ELMO1: variants seen among roughly 807,000 people sequenced by gnomAD.
ELMO1 encodes the protein engulfment and cell motility protein 1.
In ELMO1, 26 loss-of-function variants were observed where a neutral mutation model predicts 98.9. The observed-to-expected ratio is 0.26, with a 90% CI of 0.19 to 0.36. ELMO1 has a LOEUF of 0.36. Among genes scored for constraint, ELMO1 ranks in the 10% least tolerant of loss-of-function variants. The probability of loss-of-function intolerance (pLI) is 1.00; values close to 1 mark genes in which losing one functional copy is unlikely to be tolerated. For missense variants in ELMO1, 627 were observed against 935.2 expected, an observed-to-expected ratio of 0.67 and a Z score of 4.30; for synonymous variants, 346 against 346.0, an observed-to-expected ratio of 1.00 and a Z score of 0.00.
chr7:37,367,240 G>A (rs2131344711), intron 1 of ELMO1, among the ~76,000 whole-genome samples: 1 of 152,318 alleles, frequency 6.6e-6, no homozygotes, highest in East Asian at 1.9e-4. Context: ...CCTAATGCCA[G>A]TAAAATTGGC....
At chr7:37,252,110 T>C (rs557754771) in intron 6 of ELMO1, among the ~76,000 whole-genome samples, 1 of 152,210 alleles carries the variant, frequency 6.6e-6, no homozygotes, top group Non-Finnish European at 1.5e-5. Context: ...AAACATTCCA[T>C]GCTCATGGAT....
chr7:37,137,096 A>G (rs1426378079), intron 13 of ELMO1, among the ~76,000 whole-genome samples: 1 of 152,206 alleles, frequency 6.6e-6, no homozygotes, highest in African/African-American at 2.4e-5. Flanking sequence ...ATGCAAATGG[A>G]CAACAAAAGC....
intron 2 of ELMO1, among the ~76,000 whole-genome samples, chr7:37,316,594 C>A (rs1439920273): frequency 6.6e-6 from 1 of 152,152 alleles, no homozygotes; most frequent in South Asian, 2.1e-4. Flanking sequence ...CTAACAGCCA[C>A]ACTTGTGCTC....
At chr7:37,094,912 T>A (rs1488095855) in intron 15 of ELMO1, among the ~76,000 whole-genome samples, 1 of 152,108 alleles carries the variant, frequency 6.6e-6, no homozygotes, top group Non-Finnish European at 1.5e-5. Context: ...TTCCCAGCAA[T>A]CTCTACCTCC....
At chr7:36,874,681 C>G (rs1803797275) in intron 19 of ELMO1, among the ~76,000 whole-genome samples, 1 of 152,176 alleles carries the variant, frequency 6.6e-6, no homozygotes. Context: ...TCCTCCCTGC[C>G]CCCTCTGATG....
At chr7:37,149,119 G>A (rs766335504) in intron 13 of ELMO1, among the ~76,000 whole-genome samples, 5 of 152,210 alleles carry the variant, frequency 3.3e-5, no homozygotes, top group Non-Finnish European at 7.3e-5. Context: ...TGATCAAGCT[G>A]CAGCTGTTAC....
chr7:37,166,258 A>T (rs1010759469), intron 13 of ELMO1, among the ~76,000 whole-genome samples: 17 of 152,082 alleles, frequency 1.1e-4, no homozygotes, highest in East Asian at 1.9e-4. Flanking sequence ...GCTAGCGGTC[A>T]ATCAACTTTG....
chr7:37,200,705 C>A (rs1041334354), intron 13 of ELMO1, among the ~76,000 whole-genome samples: 1 of 152,142 alleles, frequency 6.6e-6, no homozygotes, highest in African/African-American at 2.4e-5. Flanking sequence ...ATGGCTCACA[C>A]CTGTAATCCA....
intron 15 of ELMO1, among the ~76,000 whole-genome samples, chr7:37,037,238 T>C (rs1307980357): frequency 1.3e-5 from 2 of 152,232 alleles, no homozygotes; most frequent in Non-Finnish European, 2.9e-5. Context: ...ATGAAGAAGT[T>C]CCTCAAGTGA....
intron 1 of ELMO1, among the ~76,000 whole-genome samples, chr7:37,414,939 A>C (rs747223405): frequency 2.0e-5 from 3 of 152,250 alleles, no homozygotes; most frequent in Non-Finnish European, 2.9e-5. Context: ...CGTAGCTTGC[A>C]GTAAAAATCT....
intron 19 of ELMO1, among the ~76,000 whole-genome samples, chr7:36,873,893 A>C (rs73689664): frequency 4.6e-5 from 7 of 152,366 alleles, no homozygotes; most frequent in African/African-American, 1.7e-4. Context: ...GGCAGAAACC[A>C]TTCAAAGGAA....
chr7:37,179,952 AC>A (rs1159557849), intron 13 of ELMO1, among the ~76,000 whole-genome samples: 4 of 152,182 alleles, frequency 2.6e-5, no homozygotes, highest in South Asian at 2.1e-4. Context: ...TAGAAGACTG[AC>A]TTAATTATCT....
chr7:37,020,714 G>T (rs1288665998), intron 15 of ELMO1, among the ~76,000 whole-genome samples: 1 of 152,114 alleles, frequency 6.6e-6, no homozygotes, highest in Non-Finnish European at 1.5e-5. Context: ...GGGAGCACTG[G>T]GCAAATATGA....
chr7:36,899,701 A>G (rs1459687280), intron 16 of ELMO1, among the ~76,000 whole-genome samples: 1 of 2,080 alleles, frequency 4.8e-4, no homozygotes, highest in Non-Finnish European at 1.8e-3. Context: ...TTTTTTTTTT[A>G]CCACTCCTAA....
At chr7:37,022,723 C>G (rs1353767016) in intron 15 of ELMO1, among the ~76,000 whole-genome samples, 2 of 152,038 alleles carry the variant, frequency 1.3e-5, no homozygotes, top group Non-Finnish European at 2.9e-5. Context: ...CAATTCTAGC[C>G]AAAGATATAA....
Position 36,884,438 on chromosome 7 carries a change from C to T in ELMO1, c.1714+3122G>A, listed in dbSNP as rs184389260. ...CTATAGATGTATAATTTTACTTACC[C>T]CTTATGGCTATTTGATAGAGGAACT... On this transcript the variant is annotated intron_variant, in intron 18 of 21. Transcript: ENST00000310758. 5.3e-4 allele frequency among the ~76,000 whole-genome samples: 81 copies of T among 152,226 alleles called. 1 individual carries two copies. In the East Asian group the frequency reaches 6.0e-3, roughly 11 times the overall value.
chr7:36,999,939 C>T (rs1306523303), intron 16 of ELMO1, among the ~76,000 whole-genome samples: 1 of 152,122 alleles, frequency 6.6e-6, no homozygotes, highest in Non-Finnish European at 1.5e-5. Flanking sequence ...TAAACTGCAT[C>T]CAAAAAACAT....
At chr7:36,974,843 G>A (rs555822198) in intron 16 of ELMO1, among the ~76,000 whole-genome samples, 4 of 152,012 alleles carry the variant, frequency 2.6e-5, no homozygotes, top group African/African-American at 4.8e-5. Context: ...TGAAGCCAGC[G>A]AGACCATGAG....
chr7:36,986,887 A>T (rs1791549727), intron 16 of ELMO1, among the ~76,000 whole-genome samples: 1 of 152,120 alleles, frequency 6.6e-6, no homozygotes, highest in African/African-American at 2.4e-5. Flanking sequence ...ATGTAAACAA[A>T]CATAAACAGC....
Sources: allele counts gnomAD v4.1 joint callset (sites outside exome capture counted in the v4.1 genomes callset), GRCh38; gene constraint gnomAD v4.1.1; transcripts MANE v1.5; gene names NCBI Gene and HGNC (gene_info 2026-07-23, HGNC 2026-07-21).